Variants in COBLL1 observed in about 807,000 individuals in gnomAD.
COBLL1 encodes cordon-bleu WH2 repeat protein like 1, also known as cordon-bleu protein-like 1.
In COBLL1, 50 loss-of-function variants were observed where a neutral mutation model predicts 94.8. The observed-to-expected ratio is 0.53, with a 90% CI of 0.42 to 0.67. The LOEUF (loss-of-function observed/expected upper bound fraction) is 0.67. Ranked by LOEUF, COBLL1 falls within the 30% of genes least tolerant of loss-of-function variation. The pLI is 0.00. For synonymous variants in COBLL1, 448 were observed against 473.8 expected (o/e 0.95, Z 0.71); for missense variants, 1,362 against 1,348.7 (o/e 1.01, Z -0.15).
chr2:164,745,875 A>C (rs2105569027), intron 2 of COBLL1, among the ~76,000 whole-genome samples: 1 of 152,292 alleles, frequency 6.6e-6, no homozygotes, highest in African/African-American at 2.4e-5. Context: ...GAGATGAGAA[A>C]TCAGCGAATC....
chr2:164,686,482 C>T (rs1201380798), intron 13 of COBLL1, among the ~76,000 whole-genome samples: 3 of 151,960 alleles, frequency 2.0e-5, no homozygotes, highest in Admixed American at 2.0e-4. Flanking sequence ...CCCAATGGCC[C>T]CCTATTTATT....
At position 164,681,298 on chromosome 2, in the gene COBLL1, G is replaced by T. The variant is rs1401370710; in HGVS notation, c.*4648C>A. The T allele has an allele frequency of 6.6e-6, 1 of 152,086 alleles. No homozygotes were observed. Among genetic ancestry groups the T allele is most frequent in the Non-Finnish European group, 1.5e-5 (1 of 68,012 alleles). The allele number at this position is 152,086 out of a possible 1,614,324, so 9.4% of individuals were successfully genotyped here. ...TAGGCTGGCCTCAGTTGGGAGCTCT[G>T]CTCCCTGCATCTCTCATCCTTTTCT... On this transcript the variant is annotated 3_prime_UTR_variant, in exon 14 of 14. Coordinates refer to ENST00000652658, the MANE Select transcript of COBLL1 (RefSeq NM_001365672.2).
chr2:164,702,889 T>A (rs1684383073), intron 9 of COBLL1, among the ~76,000 whole-genome samples: 1 of 152,152 alleles, frequency 6.6e-6, no homozygotes, highest in African/African-American at 2.4e-5. Context: ...AACCACTGAT[T>A]TTATTTAACT....
At chr2:164,778,886 C>T (rs1440328664) in intron 2 of COBLL1, among the ~76,000 whole-genome samples, 2 of 152,000 alleles carry the variant, frequency 1.3e-5, no homozygotes, top group Middle Eastern at 3.2e-3. Context: ...GACCGAGTCA[C>T]AGGTTAACAA....
At position 164,694,333 on chromosome 2, in the gene COBLL1, T is replaced by C; in HGVS notation, c.3059A>G (p.Glu1020Gly). 1 of 1,613,982 alleles carries C rather than the reference T, an allele frequency of 6.2e-7. No homozygotes were observed. The highest frequency in any genetic ancestry group is 8.5e-7 in the Non-Finnish European group (1 of 1,179,896). Reference sequence around the variant, plus strand: ...ATTTACAGAATGAGTCTTCCCTTCCTCTGTGTTGGCTGGAGGTTGGACCAA... The same window carrying C: ...ATTTACAGAATGAGTCTTCCCTTCCCCTGTGTTGGCTGGAGGTTGGACCAA... ...SALVQPPANT[E>G]EGKTHSVNKF... Residue 1020 changes from glutamate (E) to glycine (G), a missense_variant, in exon 12 of 14, where the codon GAG becomes GGG. Glu to Gly is a moderately conservative substitution (Grantham distance 98). Transcript: ENST00000652658.
At chr2:164,726,698 C>T (rs1416162341) in intron 5 of COBLL1, among the ~76,000 whole-genome samples, 1 of 152,040 alleles carries the variant, frequency 6.6e-6, no homozygotes, top group African/African-American at 2.4e-5. Context: ...TATTCACAAA[C>T]AATGACTGCA....
chr2:164,727,294 T>C (rs1685765865), intron 5 of COBLL1: 2 of 431,048 alleles, frequency 4.6e-6, no homozygotes, highest in Non-Finnish European at 8.4e-6. Context: ...GCAAAGAGTA[T>C]GTAAATAATT....
chr2:164,830,806 G>A (rs926997777), intron 2 of COBLL1, among the ~76,000 whole-genome samples: 10 of 152,184 alleles, frequency 6.6e-5, no homozygotes, highest in African/African-American at 2.4e-4. Context: ...ATAGATTCTA[G>A]ATATAAAATT....
chr2:164,706,514 C>G (rs1684612712), intron 7 of COBLL1, among the ~76,000 whole-genome samples: 1 of 152,136 alleles, frequency 6.6e-6, no homozygotes, highest in Non-Finnish European at 1.5e-5. Context: ...CTGTTCTGAT[C>G]TCCCCTTAAT....
At chr2:164,811,003 A>G (rs1317562833) in intron 2 of COBLL1, among the ~76,000 whole-genome samples, 1 of 151,922 alleles carries the variant, frequency 6.6e-6, no homozygotes, top group Non-Finnish European at 1.5e-5. Context: ...ACTTGAAAGA[A>G]AGCCCCAGGA....
At chr2:164,788,797 C>G (rs1220816482) in intron 2 of COBLL1, among the ~76,000 whole-genome samples, 1 of 151,144 alleles carries the variant, frequency 6.6e-6, no homozygotes, top group Admixed American at 6.6e-5. Flanking sequence ...AAGACCAAGA[C>G]CAGCCTGGTC....
At position 164,728,009 on chromosome 2, in the gene COBLL1, G is replaced by A. The variant is rs1485209725; in HGVS notation, c.621C>T (p.Asp207=). ...EPLDLTKSLN[D]LGLRELYAMD... ...TCGCATATAATTCTCTTAGTCCCAG[G>A]TCATTAAGAGATTTTGTCAAGTCAA... is the stretch of plus-strand genomic sequence containing the variant. Residue 207 remains aspartate, a synonymous_variant, in exon 5 of 14, where the codon GAC becomes GAT. Transcript: ENST00000652658. 3.1e-6 allele frequency: 5 copies of A among 1,613,060 alleles called. No individual in the cohort carries two copies. The Admixed American group carries it at 5.0e-5, about 16-fold the overall frequency.
chr2:164,676,524 T>C (rs1691339217), downstream of COBLL1, among the ~76,000 whole-genome samples: 1 of 152,214 alleles, frequency 6.6e-6, no homozygotes, highest in African/African-American at 2.4e-5. Context: ...ATATTCTTCA[T>C]ATTTCCTTAA....
rs770637655 is a variant in COBLL1, at chr2:164,704,502, A to C, written c.1167T>G (p.Asp389Glu). Residue 389 changes from aspartate to glutamate, a missense_variant, in exon 9 of 14, where the codon GAT becomes GAG. Transcript: ENST00000652658. Reference protein sequence around the residue: ...NSRVTALQPVDGVPPDSASEA... With the variant: ...NSRVTALQPVEGVPPDSASEA... ...CTGAAGCACTGTCTGGAGGAACTCCATCTACTGGCTGTAAGGCTAAAGGAA... is the reference window on the plus strand; with the variant it reads ...CTGAAGCACTGTCTGGAGGAACTCCCTCTACTGGCTGTAAGGCTAAAGGAA... 6.2e-7 allele frequency: 1 copy of C among 1,613,456 alleles called. No homozygotes were observed.
At chr2:164,770,360 T>G in intron 2 of COBLL1, among the ~76,000 whole-genome samples, 1 of 151,844 alleles carries the variant, frequency 6.6e-6, no homozygotes, top group East Asian at 1.9e-4. Context: ...AGATATGTCT[T>G]CTGAAATGAC....
intron 2 of COBLL1, among the ~76,000 whole-genome samples, chr2:164,798,297 A>G (rs1027256252): frequency 6.6e-6 from 1 of 152,334 alleles, no homozygotes; most frequent in African/African-American, 2.4e-5. Flanking sequence ...CAAATTCCTC[A>G]TACACACATT....
At position 164,711,174 on chromosome 2, in the gene COBLL1, G is replaced by A. The variant is rs1430036824; in HGVS notation, c.997-6069C>T. On this transcript the variant is annotated intron_variant, in intron 7 of 13. Coordinates refer to ENST00000652658, the MANE Select transcript of COBLL1 (RefSeq NM_001365672.2). Reference sequence around the variant, plus strand: ...AAAAGTACTAGCACCTATGTCAAAAGGGGCTGGGATACTTAAATGAAATAT... The same window carrying A: ...AAAAGTACTAGCACCTATGTCAAAAAGGGCTGGGATACTTAAATGAAATAT... Among the ~76,000 whole-genome samples, 3 of 152,130 alleles carry A rather than the reference G, an allele frequency of 2.0e-5. No homozygotes were observed. In the South Asian group the frequency reaches 6.2e-4, roughly 31 times the overall value.
chr2:164,685,951 G>A lies in COBLL1; in HGVS notation c.3382C>T (p.His1128Tyr). 1 of 1,598,740 alleles carries A rather than the reference G, an allele frequency of 6.3e-7. No individual in the cohort carries two copies. The change falls in exon 14 of 14, where the codon CAT becomes TAT. Residue 1128 changes from histidine (H) to tyrosine (Y), a missense_variant. Transcript: ENST00000652658. ...GTGGTGTGGCAGGGTAACATTTAAT[G>A]GCCGTCCTGGGCATCAGGGGACATG... ...HSMSPDAQDG[H>Y]
At chr2:164,842,037 G>T, upstream of COBLL1, 1 of 1,534,746 alleles carries the variant, frequency 6.5e-7, no homozygotes, top group Non-Finnish European at 8.7e-7. Flanking sequence ...GGACCAGCTC[G>T]GCGGCATTGG....
Sources: gnomAD v4.1 joint callset for allele counts (sites outside exome capture counted in the v4.1 genomes callset) on GRCh38, gnomAD v4.1.1 for gene constraint, MANE v1.5 for transcripts, NCBI Gene and HGNC (gene_info 2026-07-23, HGNC 2026-07-21) for gene names.